PCLO: variants seen among roughly 807,000 people sequenced by gnomAD.
PCLO encodes protein piccolo.
Under a neutral mutation model 427.5 loss-of-function variants are expected in PCLO, and 82 were observed. That is an observed-to-expected ratio of 0.19 (90% CI 0.16 to 0.23). The LOEUF (loss-of-function observed/expected upper bound fraction) is 0.23. PCLO is among the 10% of genes least tolerant of loss of function. The probability of loss-of-function intolerance (pLI) is 1.00; values close to 1 mark genes in which losing one functional copy is unlikely to be tolerated. For missense variants in PCLO, 6,239 were observed against 6,115.9 expected, an observed-to-expected ratio of 1.02 and a Z score of -0.67; for synonymous variants, 2,357 against 2,155.4, an observed-to-expected ratio of 1.09 and a Z score of -2.59.
In PCLO at chr7:82,916,712, T is replaced by C. The variant is rs775550812; in HGVS notation, c.11274A>G (p.Ala3758=). 4.3e-6 allele frequency: 7 copies of C among 1,613,648 alleles called. No homozygotes were observed. In the South Asian group the frequency reaches 7.7e-5, roughly 18 times the overall value. ...CTATGTCCTGGAGAATCTTGGCTCGTGCCATTGTGTTGGTTCTGCAGATCC... is the reference window on the plus strand; with the variant it reads ...CTATGTCCTGGAGAATCTTGGCTCGCGCCATTGTGTTGGTTCTGCAGATCC... ...RRRICRTNTM[A]RAKILQDIDR... The change falls in exon 7 of 25, where the codon GCA becomes GCG. Residue 3758 remains alanine (A), a synonymous_variant. Transcript: ENST00000333891.
chr7:83,150,882 A>G (rs1003578552), intron 2 of PCLO, among the ~76,000 whole-genome samples: 4 of 152,216 alleles, frequency 2.6e-5, no homozygotes, highest in African/African-American at 4.8e-5. Flanking sequence ...TGTTTACTCA[A>G]TCTGAATACT....
intron 3 of PCLO, among the ~76,000 whole-genome samples, chr7:83,020,953 T>C (rs1788327700): frequency 6.6e-6 from 1 of 152,206 alleles, no homozygotes; most frequent in Admixed American, 6.5e-5. Flanking sequence ...TTAACTGCTC[T>C]ATAGATAACA....
chr7:83,135,011 C>G lies in PCLO; in HGVS notation c.2539G>C (p.Asp847His). 6.2e-7 allele frequency: 1 copy of G among 1,613,742 alleles called. No homozygotes were observed. The highest frequency in any genetic ancestry group is 2.2e-5 in the East Asian group (1 of 44,856). The change falls in exon 3 of 25, where the codon GAC becomes CAC. Residue 847 changes from aspartate to histidine, a missense_variant. Physicochemically the swap from Asp to His is moderately conservative, Grantham distance 81 (BLOSUM62 -1). Transcript: ENST00000333891. ...SSESKGQKQV[D>H]PVQKKEEPKK... ...GGTTCTTCCTTCTTTTGTACGGGGT[C>G]AACTTGTTTTTGACCTTTGCTCTCT...
At chr7:83,148,645 G>A (rs1248877797) in intron 2 of PCLO, among the ~76,000 whole-genome samples, 1 of 151,752 alleles carries the variant, frequency 6.6e-6, no homozygotes. Flanking sequence ...GTTAACTATA[G>A]AGAAAATATC....
At chr7:83,023,111 C>A (rs1788386768) in intron 3 of PCLO, among the ~76,000 whole-genome samples, 1 of 152,020 alleles carries the variant, frequency 6.6e-6, no homozygotes, top group Non-Finnish European at 1.5e-5. Flanking sequence ...GCTATTTTGA[C>A]CTGCAAAATT....
intron 2 of PCLO, 106 bp downstream of exon 2, chr7:83,154,642 A>G: frequency 3.5e-6 from 3 of 858,606 alleles, no homozygotes; most frequent in Non-Finnish European, 5.4e-6. Flanking sequence ...GGGAGAATCC[A>G]GAGAAAGACA....
chr7:82,776,814 C>T (rs1790761351), intron 22 of PCLO, among the ~76,000 whole-genome samples: 2 of 56,166 alleles, frequency 3.6e-5, no homozygotes, highest in Non-Finnish European at 7.3e-5. Context: ...CTCTCTCTTT[C>T]TCTCTCTCTC....
intron 3 of PCLO, among the ~76,000 whole-genome samples, chr7:82,989,610 CTG>C (rs1382298024): frequency 4.6e-5 from 7 of 151,906 alleles, no homozygotes; most frequent in Admixed American, 3.3e-4. Flanking sequence ...TAAAAATTAA[CTG>C]TATTTATTCT....
At chr7:82,760,368 C>T (rs1006150311) in intron 24 of PCLO, among the ~76,000 whole-genome samples, 1 of 151,646 alleles carries the variant, frequency 6.6e-6, no homozygotes, top group Non-Finnish European at 1.5e-5. Context: ...GATGGGGGCC[C>T]AAAAAGGTTT....
chr7:83,030,349 G>A (rs935514413), intron 3 of PCLO, among the ~76,000 whole-genome samples: 1 of 152,050 alleles, frequency 6.6e-6, no homozygotes, highest in Non-Finnish European at 1.5e-5. Context: ...ATAAATGCTA[G>A]GATTTCATCA....
At chr7:82,967,869 C>T (rs980914192) in intron 3 of PCLO, among the ~76,000 whole-genome samples, 1 of 152,160 alleles carries the variant, frequency 6.6e-6, no homozygotes, top group Non-Finnish European at 1.5e-5. Flanking sequence ...CTGTAAGGCA[C>T]AGGGTTAGAG....
intron 3 of PCLO, among the ~76,000 whole-genome samples, chr7:82,978,371 A>C (rs1274387969): frequency 2.6e-5 from 4 of 152,134 alleles, no homozygotes; most frequent in African/African-American, 7.2e-5. Flanking sequence ...AATTTGTAAA[A>C]ATTTGGAGAG....
intron 3 of PCLO, among the ~76,000 whole-genome samples, chr7:83,098,511 T>C (rs1792629693): frequency 6.6e-6 from 1 of 152,138 alleles, no homozygotes; most frequent in Admixed American, 6.5e-5. Flanking sequence ...ATCTTAAACT[T>C]TATATATCTG....
chr7:83,057,656 C>T (rs375830203), intron 3 of PCLO, among the ~76,000 whole-genome samples: 12 of 151,472 alleles, frequency 7.9e-5, no homozygotes, highest in East Asian at 2.0e-4. Context: ...CCACCACGCC[C>T]GGCCTCTATC....
chr7:83,032,164 C>T (rs1788684555), intron 3 of PCLO, among the ~76,000 whole-genome samples: 1 of 152,140 alleles, frequency 6.6e-6, no homozygotes, highest in Non-Finnish European at 1.5e-5. Context: ...AACACTCAGT[C>T]CTATTCATCT....
rs976899569 is a variant in PCLO, at chr7:82,754,924, G to A, written c.*3651C>T. The A allele has an allele frequency of 6.6e-6, 1 of 151,894 alleles. No individual in the cohort carries two copies. The highest frequency in any genetic ancestry group is 2.4e-5 in the African/African-American group (1 of 41,364). The allele number at this position is 151,894 out of a possible 1,614,324, so 9.4% of individuals were successfully genotyped here. On this transcript the variant is annotated 3_prime_UTR_variant, in exon 25 of 25. Coordinates refer to ENST00000333891, the MANE Select transcript of PCLO (RefSeq NM_033026.6). The stretch of plus-strand genomic sequence containing the variant: ...TTGGAATATTTGACATTGTAGCAAT[G>A]AAAATAAGTTTTTAAAAATATTGTT...
intron 3 of PCLO, among the ~76,000 whole-genome samples, chr7:82,997,239 G>A (rs1562907063): frequency 6.6e-6 from 1 of 151,880 alleles, no homozygotes; most frequent in Non-Finnish European, 1.5e-5. Context: ...GATATCAACA[G>A]TCTCTTAAAG....
At chr7:82,887,622 A>G (rs746838397) in intron 9 of PCLO, among the ~76,000 whole-genome samples, 2 of 152,320 alleles carry the variant, frequency 1.3e-5, no homozygotes, top group African/African-American at 2.4e-5. Flanking sequence ...GCAATCTGTC[A>G]GGAGAAATGA....
intron 22 of PCLO, among the ~76,000 whole-genome samples, chr7:82,791,207 G>A (rs1029575908): frequency 7.7e-6 from 1 of 130,458 alleles, no homozygotes; most frequent in African/African-American, 2.5e-5. Context: ...TTGTTATTAA[G>A]GGGTTTGTGT....
Sources: allele counts gnomAD v4.1 joint callset (sites outside exome capture counted in the v4.1 genomes callset), GRCh38; gene constraint gnomAD v4.1.1; transcripts MANE v1.5; gene names NCBI Gene and HGNC (gene_info 2026-07-23, HGNC 2026-07-21).